The following MIS18A variants were observed in gnomAD, a reference collection of about 807,000 sequenced individuals.
The protein encoded by MIS18A is MIS18 kinetochore protein A.
A neutral mutation model predicts 25.0 loss-of-function variants in MIS18A; 14 were observed. That is an observed-to-expected ratio of 0.56 (90% CI 0.37 to 0.88). The LOEUF is 0.88. MIS18A is among the 40% of genes least tolerant of loss of function. The pLI is 0.00. For synonymous variants in MIS18A, 134 were observed against 118.6 expected, an observed-to-expected ratio of 1.13 and a Z score of -0.84; for missense variants, 292 against 290.8, an observed-to-expected ratio of 1.00 and a Z score of -0.03.
At chr21:32,242,170 G>A in the MIS18A span, among the ~76,000 whole-genome samples, 2 of 152,222 alleles carry the variant, frequency 1.3e-5, no homozygotes, top group African/African-American at 2.4e-5. Flanking sequence ...GCGAGCCATC[G>A]CGCCCGGCCA....
At chr21:32,220,156 C>T in the MIS18A span, among the ~76,000 whole-genome samples, 1 of 152,228 alleles carries the variant, frequency 6.6e-6, no homozygotes, top group Non-Finnish European at 1.5e-5. Flanking sequence ...TCAAATGGGT[C>T]CCTGACTCCT....
At chr21:32,197,558 A>C in the MIS18A span, among the ~76,000 whole-genome samples, 1 of 152,196 alleles carries the variant, frequency 6.6e-6, no homozygotes, top group African/African-American at 2.4e-5. Flanking sequence ...TGAGGCTGAA[A>C]CTGAATATTT....
chr21:32,271,855 A>G (rs567175274), intron 2 of MIS18A, among the ~76,000 whole-genome samples: 2 of 152,364 alleles, frequency 1.3e-5, no homozygotes, highest in African/African-American at 2.4e-5. Context: ...CATTACCATT[A>G]TAAGACCGCC....
chr21:32,181,226 G>A, the MIS18A span, among the ~76,000 whole-genome samples: 1 of 152,038 alleles, frequency 6.6e-6, no homozygotes, highest in African/African-American at 2.4e-5. Flanking sequence ...TGGTTTTCAG[G>A]CCTTCAGAGT....
chr21:32,187,480 G>A, the MIS18A span, among the ~76,000 whole-genome samples: 1 of 152,074 alleles, frequency 6.6e-6, no homozygotes, highest in African/African-American at 2.4e-5. Flanking sequence ...CAGAGGGATG[G>A]GGGAAATTCA....
the MIS18A span, among the ~76,000 whole-genome samples, chr21:32,241,300 A>G: frequency 6.6e-6 from 1 of 152,238 alleles, no homozygotes; most frequent in East Asian, 1.9e-4. Flanking sequence ...AGAAAACACA[A>G]TTAAAATCCG....
the MIS18A span, among the ~76,000 whole-genome samples, chr21:32,184,894 C>A: frequency 1.3e-5 from 2 of 152,100 alleles, no homozygotes; most frequent in Admixed American, 1.3e-4. Flanking sequence ...TCCCGGCCAC[C>A]GCAGCCAACT....
At chr21:32,258,506 G>T in the MIS18A span, among the ~76,000 whole-genome samples, 1 of 152,144 alleles carries the variant, frequency 6.6e-6, no homozygotes, top group South Asian at 2.1e-4. Context: ...TGGACACGAT[G>T]AATGTTTACA....
At chr21:32,224,990 C>G in the MIS18A span, among the ~76,000 whole-genome samples, 4 of 137,246 alleles carry the variant, frequency 2.9e-5, no homozygotes, top group Admixed American at 7.5e-5. Context: ...CTACAACTAT[C>G]TGATCTTTGA....
chr21:32,270,537 A>G lies in MIS18A; in HGVS notation c.402-8T>C, dbSNP rs2031695414. 5.9e-6 allele frequency: 9 copies of G among 1,534,154 alleles called. No homozygotes were observed. The East Asian group carries it at 2.1e-4, about 36-fold the overall frequency. ...CACAAAGTCTCAAGGACGCTGCAAT[A>G]AAGAAATGTCTTGCTTTAGGAAACG... On this transcript the variant is annotated splice_region_variant and splice_polypyrimidine_tract_variant and intron_variant, in intron 2 of 4. Coordinates refer to ENST00000290130, the MANE Select transcript of MIS18A (RefSeq NM_018944.3).
chr21:32,155,724 C>A, the MIS18A span, among the ~76,000 whole-genome samples: 1 of 152,138 alleles, frequency 6.6e-6, no homozygotes, highest in Non-Finnish European at 1.5e-5. Flanking sequence ...GCCCTTCAAA[C>A]AATTTTTTTG....
the MIS18A span, among the ~76,000 whole-genome samples, chr21:32,205,783 T>G: frequency 6.6e-6 from 1 of 152,216 alleles, no homozygotes; most frequent in Non-Finnish European, 1.5e-5. Context: ...TTGCGTTTTC[T>G]GCTTTCTACT....
intron 2 of MIS18A, 190 bp from the exon 3 acceptor site, chr21:32,270,719 C>A (rs2031698505): frequency 4.2e-6 from 2 of 477,544 alleles, no homozygotes; most frequent in South Asian, 8.3e-5. Flanking sequence ...AGCCACGATG[C>A]CTTAAGTATC....
the MIS18A span, among the ~76,000 whole-genome samples, chr21:32,186,663 TGA>T: frequency 6.6e-6 from 1 of 151,554 alleles, no homozygotes; most frequent in Non-Finnish European, 1.5e-5. Flanking sequence ...AGCGCAAGAG[TGA>T]GAGAGAGAAA....
the MIS18A span, among the ~76,000 whole-genome samples, chr21:32,178,181 G>A: frequency 0.6 from 91,465 of 151,662 alleles, 28,609 homozygotes; most frequent in African/African-American, 0.78. Context: ...CCGTCTCTCA[G>A]AGTGCTGGGA....
chr21:32,236,857 A>C, the MIS18A span, among the ~76,000 whole-genome samples: 1 of 152,152 alleles, frequency 6.6e-6, no homozygotes, highest in African/African-American at 2.4e-5. Context: ...TATTGCTATG[A>C]GTGAAAAGAG....
chr21:32,188,061 G>A, the MIS18A span, among the ~76,000 whole-genome samples: 1 of 152,020 alleles, frequency 6.6e-6, no homozygotes. Context: ...GACACAGCAA[G>A]AAGGTGGCCA....
chr21:32,219,424 T>C, the MIS18A span, among the ~76,000 whole-genome samples: 4 of 152,024 alleles, frequency 2.6e-5, no homozygotes, highest in Admixed American at 2.6e-4. Context: ...GACTGTGCTG[T>C]GAGAGATGGT....
At chr21:32,160,795 C>T in the MIS18A span, among the ~76,000 whole-genome samples, 1 of 152,100 alleles carries the variant, frequency 6.6e-6, no homozygotes, top group African/African-American at 2.4e-5. Flanking sequence ...CCATGCCCAA[C>T]TAATTTTGTA....
Sources: gnomAD v4.1 joint callset for allele counts (sites outside exome capture counted in the v4.1 genomes callset) on GRCh38, gnomAD v4.1.1 for gene constraint, MANE v1.5 for transcripts, NCBI Gene and HGNC (gene_info 2026-07-23, HGNC 2026-07-21) for gene names.